Variants in RP1 observed in about 807,000 individuals in gnomAD.
RP1 encodes oxygen-regulated protein 1.
Under a neutral mutation model 14.8 loss-of-function variants are expected in RP1, and 16 were observed. The observed-to-expected ratio is 1.08, with a 90% CI of 0.73 to 1.65. The LOEUF (loss-of-function observed/expected upper bound fraction) is 1.65. RP1 is among the 40% of genes most tolerant of loss of function. RP1 has a pLI of 0.00. For missense variants in RP1, 2,631 were observed against 2,535.0 expected (o/e 1.04, Z -0.81); for synonymous variants, 876 against 883.6 (o/e 0.99, Z 0.15).
chr8:54,807,291 G>A (rs774145376), intron 24 of RP1, among the ~76,000 whole-genome samples: 1 of 152,274 alleles, frequency 6.6e-6, no homozygotes, highest in African/African-American at 2.4e-5. Context: ...GAAGGGTATC[G>A]CTAGTCCTTC....
chr8:54,659,026 A>C (rs1357534119), intron 6 of RP1, among the ~76,000 whole-genome samples: 1 of 152,000 alleles, frequency 6.6e-6, no homozygotes. Context: ...TCTTTGATGA[A>C]TTGTCTATTC....
At chr8:54,868,972 C>A (rs980282964) in intron 28 of RP1, among the ~76,000 whole-genome samples, 4 of 152,064 alleles carry the variant, frequency 2.6e-5, no homozygotes, top group African/African-American at 7.2e-5. Flanking sequence ...AGAGAAAAAT[C>A]AGAAGAATAT....
chr8:54,628,865 T>G lies in RP1; in HGVS notation c.4983T>G (p.Ser1661=), dbSNP rs757927693. 1 of 1,614,056 alleles carries G rather than the reference T, an allele frequency of 6.2e-7. No individual in the cohort carries two copies. The highest frequency in any genetic ancestry group is 1.7e-5 in the Admixed American group (1 of 60,004). The change falls in exon 4 of 4, where the codon TCT becomes TCG. Residue 1661 remains serine (S), a synonymous_variant. Transcript: ENST00000220676. ...TRKSQVCPYN[S]VEFQCSRKAS... is the part of the protein sequence containing the mutation. ...AATCTCAGGTTTGTCCTTATAATTC[T>G]GTGGAATTTCAGTGTTCCAGGAAAG...
chr8:54,851,715 A>G (rs1812064814), intron 25 of RP1, among the ~76,000 whole-genome samples: 1 of 152,230 alleles, frequency 6.6e-6, no homozygotes, highest in Non-Finnish European at 1.5e-5. Context: ...CTCTGCTTAT[A>G]CCATTTCCCA....
intron 24 of RP1, among the ~76,000 whole-genome samples, chr8:54,817,805 T>C (rs946190994): frequency 2.0e-5 from 3 of 152,188 alleles, no homozygotes; most frequent in African/African-American, 7.2e-5. Context: ...AATAAAATAT[T>C]TTTCTCTAAA....
intron 8 of RP1, among the ~76,000 whole-genome samples, chr8:54,674,511 C>CAA (rs34448195): frequency 5.5e-4 from 56 of 101,224 alleles, no homozygotes; most frequent in East Asian, 3.7e-3. Flanking sequence ...GGACACATAC[C>CAA]AAAAAAAAAA....
At chr8:54,713,198 C>G (rs892213070) in intron 15 of RP1, among the ~76,000 whole-genome samples, 1 of 152,042 alleles carries the variant, frequency 6.6e-6, no homozygotes, top group Non-Finnish European at 1.5e-5. Context: ...TAAAGTGACA[C>G]TGATCCTATA....
chr8:54,677,116 G>T (rs1585598873), intron 8 of RP1, among the ~76,000 whole-genome samples: 2 of 151,300 alleles, frequency 1.3e-5, no homozygotes, highest in Non-Finnish European at 2.9e-5. Context: ...ATACTGGTTT[G>T]CCTGTGGCTA....
intron 27 of RP1, among the ~76,000 whole-genome samples, chr8:54,858,330 A>T (rs1812254489): frequency 6.6e-6 from 1 of 152,216 alleles, no homozygotes; most frequent in Non-Finnish European, 1.5e-5. Flanking sequence ...GGAAGGAATG[A>T]CATAATATGC....
intron 1 of RP1, among the ~76,000 whole-genome samples, chr8:54,593,246 A>G (rs1805078905): frequency 1.3e-5 from 2 of 151,732 alleles, no homozygotes; most frequent in Admixed American, 1.3e-4. Context: ...AGGTCTAGAG[A>G]TTTCTTTCTT....
chr8:54,574,933 A>C (rs961109805), intron 1 of RP1, among the ~76,000 whole-genome samples: 1 of 152,136 alleles, frequency 6.6e-6, no homozygotes, highest in East Asian at 1.9e-4. Flanking sequence ...AGCTAACCCT[A>C]TCAAGGGATT....
At chr8:54,688,113 T>C (rs907436892) in intron 12 of RP1, among the ~76,000 whole-genome samples, 22 of 152,252 alleles carry the variant, frequency 1.4e-4, no homozygotes, top group African/African-American at 5.1e-4. Context: ...ATGTCTTCTT[T>C]TGAGAAGTGT....
intron 1 of RP1, among the ~76,000 whole-genome samples, chr8:54,570,173 A>C (rs1804491024): frequency 6.6e-6 from 1 of 152,002 alleles, no homozygotes; most frequent in Non-Finnish European, 1.5e-5. Flanking sequence ...GATGTGGAAA[A>C]CCCAACTGCC....
At chr8:54,672,869 T>A (rs1242275269) in intron 7 of RP1, among the ~76,000 whole-genome samples, 1 of 152,200 alleles carries the variant, frequency 6.6e-6, no homozygotes, top group Non-Finnish European at 1.5e-5. Flanking sequence ...TCTCTTTTCC[T>A]TAGAGTTCTC....
chr8:54,560,494 G>GC (rs1804261848), intron 1 of RP1: 1 of 151,878 alleles, frequency 6.6e-6, no homozygotes, highest in Non-Finnish European at 1.5e-5. Context: ...CAGGTGAGAA[G>GC]CCCCCTGGTA....
chr8:54,788,852 A>T (rs1219370405), intron 24 of RP1, among the ~76,000 whole-genome samples: 1 of 152,194 alleles, frequency 6.6e-6, no homozygotes, highest in East Asian at 1.9e-4. Flanking sequence ...TACAGAGAAG[A>T]GTGCCTTTGT....
Position 54,628,755 on chromosome 8 carries a change from A to G in RP1, c.4873A>G (p.Ile1625Val). The change falls in exon 4 of 4, where the codon ATA (isoleucine) becomes GTA (valine). Residue 1625 changes from isoleucine to valine, a missense_variant. By Grantham distance (29) the Ile-to-Val change is conservative. Transcript: ENST00000220676. Reference sequence around the variant, plus strand: ...ACTTACCCAAGAGAAAGAATATAACATAGGATTTGTTAAAAGGGCAATAGA... The same window carrying G: ...ACTTACCCAAGAGAAAGAATATAACGTAGGATTTGTTAAAAGGGCAATAGA... ...GELTQEKEYN[I>V]GFVKRAIEKL... The G allele has an allele frequency of 6.2e-7, 1 of 1,614,096 alleles. No homozygotes were observed. Among genetic ancestry groups the G allele is most frequent in the Non-Finnish European group, 8.5e-7 (1 of 1,179,980 alleles).
chr8:54,586,227 C>A, intron 1 of RP1, among the ~76,000 whole-genome samples: 1 of 152,198 alleles, frequency 6.6e-6, no homozygotes, highest in Non-Finnish European at 1.5e-5. Context: ...TCAGGACCCT[C>A]AGCTGCAGGT....
At chr8:54,797,970 G>T (rs1238778842) in intron 24 of RP1, among the ~76,000 whole-genome samples, 3 of 148,808 alleles carry the variant, frequency 2.0e-5, no homozygotes, top group Non-Finnish European at 4.4e-5. Flanking sequence ...TATAGAACTG[G>T]CTATACATAT....
Sources: allele counts gnomAD v4.1 joint callset (sites outside exome capture counted in the v4.1 genomes callset), GRCh38; gene constraint gnomAD v4.1.1; transcripts MANE v1.5; gene names NCBI Gene and HGNC (gene_info 2026-07-23, HGNC 2026-07-21).